The following TMEM35A variants were observed in gnomAD, a reference collection of about 807,000 sequenced individuals.
The protein encoded by TMEM35A is transmembrane protein 35A.
For missense variants in TMEM35A, 83 were observed against 132.7 expected (o/e 0.63, Z 1.84); for synonymous variants, 50 against 54.7 (o/e 0.91, Z 0.38).
chrX:101,092,633 G>A (rs902792254), intron 1 of TMEM35A, among the ~76,000 whole-genome samples: 6 of 109,995 alleles, frequency 5.5e-5, no homozygotes, highest in African/African-American at 2.0e-4. Context: ...GCCAAGGTGG[G>A]CAGATCACCT....
intron 1 of TMEM35A, among the ~76,000 whole-genome samples, chrX:101,084,951 T>C (rs926362576): frequency 1.8e-5 from 2 of 111,673 alleles, no homozygotes; most frequent in Non-Finnish European, 3.8e-5. Context: ...ACCTTCCTCA[T>C]GGCCCCTTCC....
At chrX:101,082,885 T>C (rs767789201) in intron 1 of TMEM35A, among the ~76,000 whole-genome samples, 1 of 111,176 alleles carries the variant, frequency 9.0e-6, no homozygotes, top group Non-Finnish European at 1.9e-5. Context: ...CCTCAGGTGA[T>C]CCACCCATCT....
chrX:101,081,940 T>C (rs2089292928), intron 1 of TMEM35A: 1 of 110,834 alleles, frequency 9.0e-6, no homozygotes, highest in South Asian at 3.8e-4. Context: ...AGAAAGATCA[T>C]TAATGGTTAA....
intron 1 of TMEM35A, among the ~76,000 whole-genome samples, chrX:101,090,423 C>T (rs964908827): frequency 9.2e-6 from 1 of 108,378 alleles, no homozygotes; most frequent in Non-Finnish European, 1.9e-5. Context: ...CCGCCTCGGC[C>T]TCCCAAACTG....
rs772080872 is a variant in TMEM35A at position 101,079,148 on chromosome X, G to C, written c.120+26G>C. 4.1e-6 allele frequency: 5 copies of C among 1,208,161 alleles called. No individual in the cohort carries two copies. In the South Asian group the frequency reaches 8.9e-5, roughly 21 times the overall value. ...GTAAGTGAAGCAAACGGGTGATGAG[G>C]AGCGCACTCCCATGGGATTGCGAGG... On this transcript the variant is annotated intron_variant, in intron 1 of 1. Transcript: ENST00000372930.
chrX:101,085,011 A>T (rs2089302993), intron 1 of TMEM35A, among the ~76,000 whole-genome samples: 1 of 111,786 alleles, frequency 8.9e-6, no homozygotes, highest in Admixed American at 9.6e-5. Context: ...CTAACAACAT[A>T]AGTCAATTGT....
chrX:101,085,778 C>A (rs976738164), intron 1 of TMEM35A, among the ~76,000 whole-genome samples: 2 of 105,457 alleles, frequency 1.9e-5, no homozygotes, highest in Non-Finnish European at 3.9e-5. Context: ...AATACACACA[C>A]ACAAAAAAAT....
At chrX:101,081,407 G>A (rs1569495474) in intron 1 of TMEM35A, 1 of 112,645 alleles carries the variant, frequency 8.9e-6, no homozygotes, top group Non-Finnish European at 1.9e-5. Context: ...TTCAGTTCTA[G>A]TACAGAGAAG....
At chrX:101,084,917 C>A (rs750333180) in intron 1 of TMEM35A, among the ~76,000 whole-genome samples, 302 of 110,649 alleles carry the variant, frequency 2.7e-3, no homozygotes, top group African/African-American at 9.0e-3. Context: ...ACAAAAAAAA[C>A]CCCACATGAC....
At chrX:101,087,848 TA>T (rs751211412) in intron 1 of TMEM35A, among the ~76,000 whole-genome samples, 7 of 110,688 alleles carry the variant, frequency 6.3e-5, no homozygotes, top group Non-Finnish European at 3.8e-5. Flanking sequence ...GTGTCTCTAC[TA>T]AAAATACAAA....
At position 101,085,057 on chromosome X, in the gene TMEM35A, A is replaced by G. The variant is rs780020080; in HGVS notation, c.120+5935A>G. ...GAATTTTATATAAATGGAATTCTAC[A>G]GTATATTAGCCAATTTATCTTTTCC... is the stretch of plus-strand genomic sequence containing the variant. On this transcript the variant is annotated intron_variant, in intron 1 of 1. Transcript: ENST00000372930. Among the ~76,000 whole-genome samples the G allele has an allele frequency of 3.6e-5, 4 of 111,781 alleles. No homozygotes were observed. The East Asian group carries it at 1.1e-3, about 31-fold the overall frequency.
At chrX:101,094,451 T>TTA in intron 1 of TMEM35A, 122 bp from the exon 2 acceptor site, 1 of 664,616 alleles carries the variant, frequency 1.5e-6, no homozygotes, top group Non-Finnish European at 2.2e-6. Context: ...ATAAGAAAAA[T>TTA]TATATATAAT....
chrX:101,092,265 G>A, intron 1 of TMEM35A, among the ~76,000 whole-genome samples: 1 of 110,958 alleles, frequency 9.0e-6, no homozygotes, highest in Non-Finnish European at 1.9e-5. Context: ...AGAAAACAAA[G>A]CAGTGGACCA....
chrX:101,080,991 A>C (rs748810689), intron 1 of TMEM35A, among the ~76,000 whole-genome samples: 1 of 111,630 alleles, frequency 9.0e-6, no homozygotes, highest in South Asian at 3.8e-4. Context: ...AAGGAGGACC[A>C]GCCACAAATG....
intron 1 of TMEM35A, among the ~76,000 whole-genome samples, chrX:101,089,544 A>G (rs768133672): frequency 9.4e-6 from 1 of 105,983 alleles, no homozygotes; most frequent in African/African-American, 3.4e-5. Context: ...CACTTTGGAA[A>G]GTTAAGGCAG....
At chrX:101,083,178 A>C (rs1255058984) in intron 1 of TMEM35A, among the ~76,000 whole-genome samples, 6 of 111,872 alleles carry the variant, frequency 5.4e-5, no homozygotes, top group African/African-American at 1.9e-4. Context: ...ACGTGAATTC[A>C]ACATGACTGG....
intron 1 of TMEM35A, among the ~76,000 whole-genome samples, chrX:101,091,050 A>T (rs1011247144): frequency 1.8e-5 from 2 of 110,618 alleles, no homozygotes; most frequent in Non-Finnish European, 3.8e-5. Context: ...CATGTTGGCC[A>T]GACTGGTCTC....
chrX:101,081,153 T>A (rs141415482), intron 1 of TMEM35A, among the ~76,000 whole-genome samples: 4 of 112,721 alleles, frequency 3.5e-5, no homozygotes, highest in Non-Finnish European at 1.9e-5. Flanking sequence ...TGTGTGTGGG[T>A]GTGTATGCAC....
chrX:101,095,170 A>G lies in TMEM35A; in HGVS notation c.*214A>G, dbSNP rs2089335577. The stretch of plus-strand genomic sequence containing the variant: ...CGCCACCTTTAATCACTCTGGGGCA[A>G]CTCTCACATCTTGCTGCATGTACAT... On this transcript the variant is annotated 3_prime_UTR_variant, in exon 2 of 2. Transcript: ENST00000372930. 5.0e-6 allele frequency: 2 copies of G among 400,156 alleles called. No homozygotes were observed. The highest frequency in any genetic ancestry group is 8.5e-6 in the Non-Finnish European group (2 of 236,643). The allele number at this position is 400,156 out of a possible 1,213,427, so 33.0% of individuals were successfully genotyped here.
Sources: allele counts gnomAD v4.1 joint callset (sites outside exome capture counted in the v4.1 genomes callset), GRCh38; gene constraint gnomAD v4.1.1; transcripts MANE v1.5; gene names NCBI Gene and HGNC (gene_info 2026-07-23, HGNC 2026-07-21).